The following SH3RF3 variants were observed in gnomAD, a reference collection of about 807,000 sequenced individuals.
SH3RF3 encodes the protein E3 ubiquitin-protein ligase SH3RF3.
SH3RF3 carries 29 observed loss-of-function variants against 66.3 expected under a neutral mutation model. The ratio of observed to expected loss-of-function variants is 0.44; its 90% CI spans 0.33 to 0.60. The LOEUF is 0.60. Among genes scored for constraint, SH3RF3 ranks in the 20% least tolerant of loss-of-function variants. The pLI is 0.04. For synonymous variants in SH3RF3, 583 were observed against 532.0 expected (o/e 1.10, Z -1.32); for missense variants, 1,194 against 1,190.9 (o/e 1.00, Z -0.04).
chr2:109,253,693 T>G (rs1326430384), intron 1 of SH3RF3, among the ~76,000 whole-genome samples: 1 of 152,142 alleles, frequency 6.6e-6, no homozygotes, highest in Non-Finnish European at 1.5e-5. Flanking sequence ...AATTTGGCTG[T>G]CTGGAAAATA....
chr2:109,165,658 C>A (rs971681415), intron 1 of SH3RF3, among the ~76,000 whole-genome samples: 1 of 152,178 alleles, frequency 6.6e-6, no homozygotes, highest in African/African-American at 2.4e-5. Flanking sequence ...AGTGAAAAGG[C>A]CACACTTGGA....
intron 1 of SH3RF3, among the ~76,000 whole-genome samples, chr2:109,136,547 C>T (rs1414643304): frequency 6.6e-6 from 1 of 152,184 alleles, no homozygotes; most frequent in African/African-American, 2.4e-5. Context: ...TTGTATTCTG[C>T]TTTCTTTAGG....
chr2:109,209,081 C>T (rs1241635430), intron 1 of SH3RF3, among the ~76,000 whole-genome samples: 3 of 152,194 alleles, frequency 2.0e-5, no homozygotes, highest in Admixed American at 1.3e-4. Flanking sequence ...CAGCCAGTAC[C>T]TTAAACAAAA....
At chr2:109,201,847 C>T (rs1169852028) in intron 1 of SH3RF3, among the ~76,000 whole-genome samples, 2 of 152,228 alleles carry the variant, frequency 1.3e-5, no homozygotes, top group African/African-American at 2.4e-5. Flanking sequence ...AGTGCCCTCC[C>T]TCCAGGGAGA....
intron 1 of SH3RF3, among the ~76,000 whole-genome samples, chr2:109,240,264 C>T (rs1412274191): frequency 6.6e-6 from 1 of 152,114 alleles, no homozygotes; most frequent in African/African-American, 2.4e-5. Flanking sequence ...CTTTGGGAGG[C>T]CCAGGAGGGC....
chr2:109,161,496 T>C (rs1677489073), intron 1 of SH3RF3, among the ~76,000 whole-genome samples: 1 of 151,392 alleles, frequency 6.6e-6, no homozygotes, highest in African/African-American at 2.5e-5. Flanking sequence ...GTGCATTACA[T>C]ATCGTAAGGC....
At chr2:109,167,067 C>A (rs1677646022) in intron 1 of SH3RF3, among the ~76,000 whole-genome samples, 1 of 152,150 alleles carries the variant, frequency 6.6e-6, no homozygotes, top group Non-Finnish European at 1.5e-5. Context: ...GGAGGTCAGG[C>A]CAGTGGGAAC....
chr2:109,303,064 C>T (rs1681508152), intron 1 of SH3RF3, among the ~76,000 whole-genome samples: 1 of 152,096 alleles, frequency 6.6e-6, no homozygotes, highest in Admixed American at 6.5e-5. Flanking sequence ...TTGGTAGAGG[C>T]GGGGTTTCAT....
intron 1 of SH3RF3, among the ~76,000 whole-genome samples, chr2:109,286,926 A>T (rs1319505196): frequency 6.6e-6 from 1 of 152,178 alleles, no homozygotes; most frequent in Non-Finnish European, 1.5e-5. Flanking sequence ...CTGAAAAGAC[A>T]GTGAGCATTT....
intron 1 of SH3RF3, among the ~76,000 whole-genome samples, chr2:109,318,988 A>T (rs1286400296): frequency 1.3e-5 from 2 of 152,238 alleles, no homozygotes; most frequent in Non-Finnish European, 2.9e-5. Flanking sequence ...GTCCCAGAAC[A>T]GATCAAAGCC....
At chr2:109,169,704 C>CTA (rs1677715075) in intron 1 of SH3RF3, among the ~76,000 whole-genome samples, 1 of 151,338 alleles carries the variant, frequency 6.6e-6, no homozygotes, top group Non-Finnish European at 1.5e-5. Flanking sequence ...ATCTCTCTCT[C>CTA]TATATATATC....
At chr2:109,247,950 C>T (rs923895096) in intron 1 of SH3RF3, among the ~76,000 whole-genome samples, 5 of 152,122 alleles carry the variant, frequency 3.3e-5, no homozygotes, top group African/African-American at 7.2e-5. Flanking sequence ...AACGTGCAAG[C>T]GCTTTTTAAA....
chr2:109,370,528 C>T (rs1287554121), intron 2 of SH3RF3, among the ~76,000 whole-genome samples: 4 of 152,128 alleles, frequency 2.6e-5, no homozygotes, highest in South Asian at 2.1e-4. Context: ...CATGAGCCAC[C>T]GCGCCCGGCC....
At chr2:109,393,836 G>C (rs1676067826) in intron 3 of SH3RF3, among the ~76,000 whole-genome samples, 1 of 151,842 alleles carries the variant, frequency 6.6e-6, no homozygotes, top group Non-Finnish European at 1.5e-5. Context: ...TCATGTTACA[G>C]CTGCTGTCCT....
Position 109,140,004 on chromosome 2 carries a change from G to A in SH3RF3, c.573+9891G>A, listed in dbSNP as rs566355845. Reference sequence around the variant, plus strand: ...AAACAGGAGGGTTTATTGATCAGAGGTAGTGACTCATGACGTTGAAACTGT... The same window carrying A: ...AAACAGGAGGGTTTATTGATCAGAGATAGTGACTCATGACGTTGAAACTGT... On this transcript the variant is annotated intron_variant, in intron 1 of 9. Coordinates refer to ENST00000309415, the MANE Select transcript of SH3RF3 (RefSeq NM_001099289.3). Among the ~76,000 whole-genome samples the A allele has an allele frequency of 5.9e-5, 9 of 152,286 alleles. No homozygotes were observed. In the South Asian group the frequency reaches 1.9e-3, roughly 32 times the overall value.
intron 1 of SH3RF3, among the ~76,000 whole-genome samples, chr2:109,205,657 T>G (rs747571868): frequency 3.3e-5 from 5 of 152,174 alleles, no homozygotes; most frequent in Non-Finnish European, 5.9e-5. Flanking sequence ...CTCAGTCTGT[T>G]GGTGTCAGGG....
rs1456744062 is a variant in SH3RF3 at position 109,425,961 on chromosome 2, G to A, written c.1403+6319G>A. Among the ~76,000 whole-genome samples, 4 of 152,234 alleles carry A rather than the reference G, an allele frequency of 2.6e-5. No individual in the cohort carries two copies. The East Asian group carries it at 7.7e-4, about 29-fold the overall frequency. On this transcript the variant is annotated intron_variant, in intron 5 of 9. Coordinates refer to ENST00000309415, the MANE Select transcript of SH3RF3 (RefSeq NM_001099289.3). The stretch of plus-strand genomic sequence containing the variant: ...CGTCCAGGCTGGAGTGCAGTGGCAT[G>A]ATCTTGGCTCACTGCAACCTCCGCC...
At chr2:109,450,974 C>T (rs1245755407) in intron 8 of SH3RF3, among the ~76,000 whole-genome samples, 4 of 152,226 alleles carry the variant, frequency 2.6e-5, no homozygotes, top group South Asian at 2.1e-4. Context: ...CCAAACCCAG[C>T]GCTGACTCGG....
At chr2:109,388,284 C>T (rs377353010) in intron 3 of SH3RF3, among the ~76,000 whole-genome samples, 3 of 152,228 alleles carry the variant, frequency 2.0e-5, no homozygotes, top group Non-Finnish European at 4.4e-5. Flanking sequence ...CAATTTTTCA[C>T]TGATGAGTTA....
Sources: gnomAD v4.1 joint callset for allele counts (sites outside exome capture counted in the v4.1 genomes callset) on GRCh38, gnomAD v4.1.1 for gene constraint, MANE v1.5 for transcripts, NCBI Gene and HGNC (gene_info 2026-07-23, HGNC 2026-07-21) for gene names.